The following PASK variants were observed in gnomAD, a reference collection of about 807,000 sequenced individuals.
PASK encodes the protein PAS domain-containing serine/threonine-protein kinase.
A neutral mutation model predicts 121.0 loss-of-function variants in PASK; 110 were observed. The observed-to-expected ratio is 0.91, with a 90% confidence interval of 0.78 to 1.06. The LOEUF (loss-of-function observed/expected upper bound fraction) is 1.06, where lower values mean the gene tolerates loss of function less well. Ranked by LOEUF, PASK falls within the 50% of genes least tolerant of loss-of-function variation. The pLI, the probability that PASK is intolerant of heterozygous loss-of-function variation, is 0.00. For synonymous variants in PASK, 686 were observed against 717.8 expected (o/e 0.96, Z 0.71); for missense variants, 1,643 against 1,702.3 (o/e 0.97, Z 0.61).
chr2:241,144,306 T>A (rs1575348160), intron 1 of PASK, among the ~76,000 whole-genome samples: 2 of 152,198 alleles, frequency 1.3e-5, no homozygotes, highest in Admixed American at 6.5e-5. Flanking sequence ...TACCCTGTCC[T>A]CATGGCCAAA....
chr2:241,123,928 G>A, intron 11 of PASK, 21 bp downstream of exon 11: 1 of 1,601,674 alleles, frequency 6.2e-7, no homozygotes, highest in Non-Finnish European at 8.5e-7. Context: ...TCCAGGGCAG[G>A]CATTGATTGC....
At chr2:241,149,554 G>A (rs2067183947), upstream of PASK, 1 of 1,153,732 alleles carries the variant, frequency 8.7e-7, no homozygotes, top group South Asian at 1.4e-5. Flanking sequence ...CGTATGGGCG[G>A]GACTAAGCTA....
In PASK at chr2:241,126,658, C is replaced by G. The variant is rs781032414; in HGVS notation, c.2257G>C (p.Asp753His). The stretch of plus-strand genomic sequence containing the variant: ...CAGGAACAATTTGATGACGTTTGGT[C>G]TGTCTGGTCACTGAAAAAGAGTTCC... ...LKELFFSDQT[D>H]QTSSNCSCAT... Residue 753 changes from aspartate (D) to histidine (H), a missense_variant, in exon 10 of 18, where the codon GAC becomes CAC. Coordinates refer to ENST00000234040, the MANE Select transcript of PASK (RefSeq NM_015148.4). 2 of 1,614,218 alleles carry G rather than the reference C, an allele frequency of 1.2e-6. No individual in the cohort carries two copies. Among genetic ancestry groups the G allele is most frequent in the Non-Finnish European group, 1.7e-6 (2 of 1,180,032 alleles).
chr2:241,147,877 G>A (rs1256248188), intron 1 of PASK, among the ~76,000 whole-genome samples: 1 of 152,180 alleles, frequency 6.6e-6, no homozygotes, highest in African/African-American at 2.4e-5. Context: ...CGGGAGCGGG[G>A]AGGACAGCAG....
intron 12 of PASK, among the ~76,000 whole-genome samples, chr2:241,120,492 C>CAAAAA (rs568145375): frequency 7.1e-5 from 10 of 140,034 alleles, no homozygotes; most frequent in East Asian, 5.4e-4. Context: ...GACTCTGTCT[C>CAAAAA]AAAAGAAAAA....
chr2:241,119,168 C>T (rs903498057), intron 12 of PASK, among the ~76,000 whole-genome samples: 8 of 152,266 alleles, frequency 5.3e-5, no homozygotes, highest in Non-Finnish European at 8.8e-5. Flanking sequence ...AAGCGATCAC[C>T]CTGTTGATAC....
rs1245636757 is a variant in PASK, at chr2:241,137,010, C to T, written c.1131G>A (p.Leu377=). 1.2e-6 allele frequency: 2 copies of T among 1,612,922 alleles called. No homozygotes were observed. The highest frequency in any genetic ancestry group is 1.7e-6 in the Non-Finnish European group (2 of 1,179,970). The change falls in exon 7 of 18, where the codon CTG becomes CTA. Residue 377 remains leucine, a synonymous_variant. Transcript: ENST00000234040. ...TLFGYGKTEL[L]GKNITFLIPG... is the part of the protein sequence containing the mutation. Reference sequence around the variant, plus strand: ...GCGCCCAGGGCAGCCCCACCTTGCCCAGGAGCTCCGTCTTTCCGTAACCAA... The same window carrying T: ...GCGCCCAGGGCAGCCCCACCTTGCCTAGGAGCTCCGTCTTTCCGTAACCAA...
chr2:241,127,373 C>T lies in PASK; in HGVS notation c.1542G>A (p.Leu514=). Residue 514 remains leucine (L), a synonymous_variant, in exon 10 of 18, where the codon TTG becomes TTA. Transcript: ENST00000234040. ...CTATTGCCACAGGTTCCTCTCTCCC[C>T]AAGGCAGTGATTTGCTGGTCCTTGG... ...ALPKDQQITA[L]GREEPVAIES... is the part of the protein sequence containing the mutation. 1 of 1,614,150 alleles carries T rather than the reference C, an allele frequency of 6.2e-7. No homozygotes were observed. The highest frequency in any genetic ancestry group is 2.2e-5 in the East Asian group (1 of 44,892).
In PASK at chr2:241,106,594, G is replaced by A; in HGVS notation, c.3944C>T (p.Pro1315Leu). The change falls in exon 18 of 18, where the codon CCC becomes CTC. Residue 1315 changes from proline to leucine, a missense_variant. Pro to Leu is a moderately conservative substitution (Grantham distance 98, BLOSUM62 -3). Around this residue, in one of 3 missense-constraint regions of PASK, gnomAD observed 453 missense variants for 511.2 expected, o/e 0.89. Coordinates refer to ENST00000234040, the MANE Select transcript of PASK (RefSeq NM_015148.4). ...EAPNGQGCLH[P>L]GDPRLLTS ...GCTGGTCAGCAGACGGGGATCCCCG[G>A]GATGCAAACAGCCTTGGCCATTAGG... is the stretch of plus-strand genomic sequence containing the variant. 6.2e-7 allele frequency: 1 copy of A among 1,614,210 alleles called. No homozygotes were observed. Among genetic ancestry groups the A allele is most frequent in the Non-Finnish European group, 8.5e-7 (1 of 1,180,026 alleles).
chr2:241,123,184 T>G (rs2065698386), intron 11 of PASK, among the ~76,000 whole-genome samples: 1 of 151,376 alleles, frequency 6.6e-6, no homozygotes, highest in Non-Finnish European at 1.5e-5. Context: ...CTTTTTTTTT[T>G]TTTTTTTTTT....
At position 241,112,244 on chromosome 2, in the gene PASK, T is replaced by A; in HGVS notation, c.3529A>T (p.Asn1177Tyr). The change falls in exon 15 of 18, where the codon AAT becomes TAT. Residue 1177 changes from asparagine (N) to tyrosine (Y), a missense_variant. Physicochemically the swap from Asn to Tyr is moderately radical, Grantham distance 143. This residue lies in a region of PASK where 453 missense variants were observed against 511.2 expected (regional missense o/e 0.89). Transcript: ENST00000234040. This position sits in a 1 kb window ranked among gnomAD's most constrained non-coding sequence, Gnocchi z 5.2. ...GCACCGCAGCCGCATACGTACGGAT[T>A]CCCCATGAGAACTTCCGGTGCACAG... ...EYCAPEVLMG[N>Y]PYRGPELEMW... The A allele has an allele frequency of 6.2e-7, 1 of 1,612,626 alleles. No homozygotes were observed. Among genetic ancestry groups the A allele is most frequent in the South Asian group, 1.1e-5 (1 of 91,040 alleles).
At chr2:241,111,325 A>G (rs2310876) in intron 15 of PASK, among the ~76,000 whole-genome samples, 74,578 of 151,768 alleles carry the variant, frequency 0.49, 21,531 homozygotes, top group African/African-American at 0.81. Flanking sequence ...GCAGCAGAGC[A>G]CTGCAGCAGA....
At chr2:241,110,735 G>A (rs1209591988) in intron 15 of PASK, among the ~76,000 whole-genome samples, 1 of 152,156 alleles carries the variant, frequency 6.6e-6, no homozygotes, top group Non-Finnish European at 1.5e-5. Context: ...GTGGACAGGG[G>A]ACAGGCAGTT....
chr2:241,109,003 C>G (rs3926369), intron 15 of PASK: 1 of 142,602 alleles, frequency 7.0e-6, no homozygotes. Flanking sequence ...TCCTCATCCA[C>G]GCTACCATTT....
At chr2:241,111,696 C>G (rs2065119646) in intron 15 of PASK, among the ~76,000 whole-genome samples, 1 of 152,042 alleles carries the variant, frequency 6.6e-6, no homozygotes, top group Non-Finnish European at 1.5e-5. Context: ...GCCACACACC[C>G]AAGGACGCCG....
Position 241,127,461 on chromosome 2 carries a change from A to G in PASK, c.1464-10T>C, listed in dbSNP as rs561518510. On this transcript the variant is annotated splice_polypyrimidine_tract_variant and intron_variant, in intron 9 of 17. Transcript: ENST00000234040. ...TGGGACATTGTCCACCCTGGGGATAATGACATGGGTGACCATCATGTAGGG... is the reference window on the plus strand; with the variant it reads ...TGGGACATTGTCCACCCTGGGGATAGTGACATGGGTGACCATCATGTAGGG... The G allele has an allele frequency of 5.3e-5, 86 of 1,610,804 alleles. No homozygotes were observed. The South Asian group carries it at 8.9e-4, about 17-fold the overall frequency.
At chr2:241,109,540 AGGGAG>A (rs59375853) in intron 15 of PASK, 32,795 of 90,694 alleles carry the variant, frequency 0.36, 5,724 homozygotes, top group African/African-American at 0.57. Flanking sequence ...AGGGGCTGGG[AGGGAG>A]GGGAGGGGAG....
intron 4 of PASK, chr2:241,139,650 T>A (rs901194701): frequency 1.4e-6 from 1 of 697,502 alleles, no homozygotes; most frequent in Non-Finnish European, 2.7e-6. Context: ...CTCCCAGGAG[T>A]CCAGCCACAG....
At chr2:241,143,842 C>CGG (rs2066825589) in intron 1 of PASK, among the ~76,000 whole-genome samples, 1 of 152,218 alleles carries the variant, frequency 6.6e-6, no homozygotes, top group African/African-American at 2.4e-5. Flanking sequence ...AGTGAGGTCG[C>CGG]GGGGGCCATG....
Sources: gnomAD v4.1 joint callset for allele counts (sites outside exome capture counted in the v4.1 genomes callset) on GRCh38, gnomAD v4.1.1 for gene constraint, gnomAD v4.1.1 regional missense constraint, Gnocchi (gnomAD v3.1) non-coding constraint, MANE v1.5 for transcripts, NCBI Gene and HGNC (gene_info 2026-07-23, HGNC 2026-07-21) for gene names.